The following CSMD1 variants were observed in gnomAD, a reference collection of about 807,000 sequenced individuals.
CSMD1 encodes the protein CUB and sushi domain-containing protein 1.
A neutral mutation model predicts 417.5 loss-of-function variants in CSMD1; 213 were observed. The observed-to-expected ratio is 0.51, with a 90% CI of 0.46 to 0.57. The LOEUF (loss-of-function observed/expected upper bound fraction) is 0.57, where lower values mean the gene tolerates loss of function less well. CSMD1 is among the 20% of genes least tolerant of loss of function. The pLI is 0.00. For missense variants in CSMD1, 6,923 were observed against 4,529.7 expected (o/e 1.53, Z -15.17); for synonymous variants, 2,862 against 1,736.8 (o/e 1.65, Z -16.11).
chr8:4,467,553 A>C (rs768615193), intron 2 of CSMD1, among the ~76,000 whole-genome samples: 3 of 152,206 alleles, frequency 2.0e-5, no homozygotes, highest in Admixed American at 6.5e-5. Context: ...AAACCTGTTG[A>C]AAAATTGTTA....
chr8:3,256,618 C>G (rs1402393278), intron 26 of CSMD1, among the ~76,000 whole-genome samples: 2 of 152,216 alleles, frequency 1.3e-5, no homozygotes, highest in South Asian at 4.1e-4. Flanking sequence ...TTACTTTTGA[C>G]TCTGAATCCC....
At chr8:3,971,473 C>G (rs940980642) in intron 5 of CSMD1, among the ~76,000 whole-genome samples, 2 of 152,070 alleles carry the variant, frequency 1.3e-5, no homozygotes, top group Non-Finnish European at 2.9e-5. Context: ...TGCAAGTTGA[C>G]AACTTTAAAA....
At chr8:4,161,265 T>C (rs1797143520) in intron 3 of CSMD1, among the ~76,000 whole-genome samples, 1 of 152,180 alleles carries the variant, frequency 6.6e-6, no homozygotes, top group Non-Finnish European at 1.5e-5. Flanking sequence ...ATGTGAGCCT[T>C]AGAAACATTA....
intron 10 of CSMD1, among the ~76,000 whole-genome samples, chr8:3,525,782 C>A (rs1797729076): frequency 6.6e-6 from 1 of 152,174 alleles, no homozygotes; most frequent in Admixed American, 6.5e-5. Context: ...GTAAGAATTT[C>A]TAATAGAAAC....
At chr8:3,858,509 C>A (rs563991250) in intron 5 of CSMD1, among the ~76,000 whole-genome samples, 1 of 152,254 alleles carries the variant, frequency 6.6e-6, no homozygotes, top group East Asian at 1.9e-4. Context: ...AAATGGAAGG[C>A]CTACTTAATT....
Position 3,052,552 on chromosome 8 carries a change from C to T in CSMD1, c.7570G>A (p.Gly2524Ser), listed in dbSNP as rs1353672838. Residue 2524 changes from glycine to serine, a missense_variant, in exon 50 of 70, where the codon GGC becomes AGC. Gly to Ser is a moderately conservative substitution (Grantham distance 56, BLOSUM62 0). Transcript: ENST00000635120. ...DSKVVYECHE[G>S]FKLESSQQAT... ...TGCTGGCTGGATTCAAGCTTGAAGC[C>T]CTCATGACATTCATAGACCACTTTA... The T allele has an allele frequency of 6.2e-7, 1 of 1,609,490 alleles. No individual in the cohort carries two copies. The highest frequency in any genetic ancestry group is 1.1e-5 in the South Asian group (1 of 89,778).
intron 1 of CSMD1, among the ~76,000 whole-genome samples, chr8:4,698,868 G>C (rs1584960510): frequency 6.6e-6 from 1 of 150,858 alleles, no homozygotes; most frequent in East Asian, 2.0e-4. Context: ...AATACATTTT[G>C]GCAATCCAAC....
At chr8:4,366,959 G>T (rs923639232) in intron 3 of CSMD1, among the ~76,000 whole-genome samples, 1 of 152,112 alleles carries the variant, frequency 6.6e-6, no homozygotes, top group Admixed American at 6.5e-5. Context: ...TTTGTTGGAT[G>T]TGTACTCTGC....
At chr8:3,616,924 T>G (rs576774887) in intron 7 of CSMD1, 127 bp from the exon 8 acceptor site, 89 of 574,572 alleles carry the variant, frequency 1.5e-4, no homozygotes, top group Non-Finnish European at 2.2e-4. Flanking sequence ...CCAAAGGAAT[T>G]AAGACACCTT....
chr8:3,901,629 T>C (rs1252563314), intron 5 of CSMD1, among the ~76,000 whole-genome samples: 2 of 152,212 alleles, frequency 1.3e-5, no homozygotes, highest in African/African-American at 4.8e-5. Flanking sequence ...ACCACCGAAG[T>C]AAAACAGTAT....
chr8:4,352,408 C>T (rs1273807446), intron 3 of CSMD1, among the ~76,000 whole-genome samples: 1 of 152,116 alleles, frequency 6.6e-6, no homozygotes, highest in Non-Finnish European at 1.5e-5. Flanking sequence ...AAAATGAGAA[C>T]ACCAGTATAA....
chr8:3,864,357 A>G (rs2129107293), intron 5 of CSMD1, among the ~76,000 whole-genome samples: 2 of 111,958 alleles, frequency 1.8e-5, no homozygotes, highest in Middle Eastern at 8.3e-3. Context: ...AGATAACCAC[A>G]GAAGGGGCAG....
At chr8:4,810,525 A>ACGTGTGTGTGTGTGTGCGCACGCG (rs1180724650) in intron 1 of CSMD1, among the ~76,000 whole-genome samples, 4 of 150,714 alleles carry the variant, frequency 2.7e-5, no homozygotes, top group Admixed American at 1.3e-4. Context: ...AGTAAAATAC[A>ACGTGTGTGTGTGTGTGCGCACGCG]CGTGTGTGTG....
intron 3 of CSMD1, among the ~76,000 whole-genome samples, chr8:4,214,791 G>C (rs574732647): frequency 9.2e-5 from 14 of 152,212 alleles, no homozygotes; most frequent in Non-Finnish European, 1.9e-4. Context: ...TTCAAATGTA[G>C]TATAACTTTA....
At chr8:3,409,841 G>C (rs1289794683) in intron 12 of CSMD1, among the ~76,000 whole-genome samples, 1 of 152,162 alleles carries the variant, frequency 6.6e-6, no homozygotes, top group East Asian at 1.9e-4. Context: ...GGATACACGT[G>C]GCTACACAGA....
At chr8:4,443,411 G>A (rs181997449) in intron 2 of CSMD1, among the ~76,000 whole-genome samples, 7 of 152,268 alleles carry the variant, frequency 4.6e-5, no homozygotes, top group African/African-American at 7.2e-5. Flanking sequence ...CAAGAAAATT[G>A]CAACAATCTT....
Position 4,508,836 on chromosome 8 carries a change from T to A in CSMD1, c.303-88771A>T, listed in dbSNP as rs75791074. Among the ~76,000 whole-genome samples, 591 of 150,254 alleles carry A rather than the reference T, an allele frequency of 3.9e-3. 12 individuals are homozygous for A. The highest frequency in any genetic ancestry group is 2.6e-3 in the Non-Finnish European group (174 of 67,752). ...ATTTAAAAATATTAAATTTTAGTGG[T>A]TTTTTTTTGGAATGTAAGCTTTCTG... is the stretch of plus-strand genomic sequence containing the variant. On this transcript the variant is annotated intron_variant, in intron 2 of 69. Coordinates refer to ENST00000635120, the MANE Select transcript of CSMD1 (RefSeq NM_033225.6).
At chr8:4,134,174 T>C (rs2680591) in intron 3 of CSMD1, among the ~76,000 whole-genome samples, 146,429 of 152,282 alleles carry the variant, frequency 0.96, 70,667 homozygotes, top group East Asian at 1. Context: ...TGTTTGACTA[T>C]TTAAAATTAA....
intron 3 of CSMD1, among the ~76,000 whole-genome samples, chr8:4,086,891 T>G (rs1165521776): frequency 1.3e-5 from 2 of 152,214 alleles, no homozygotes; most frequent in Non-Finnish European, 2.9e-5. Context: ...CAAGTAAATG[T>G]TGGCAACAAT....
Sources: gnomAD v4.1 joint callset for allele counts (sites outside exome capture counted in the v4.1 genomes callset) on GRCh38, gnomAD v4.1.1 for gene constraint, MANE v1.5 for transcripts, NCBI Gene and HGNC (gene_info 2026-07-23, HGNC 2026-07-21) for gene names.